Variants in MTFR1 observed in about 807,000 individuals in gnomAD.
The protein encoded by MTFR1 is mitochondrial fission regulator 1.
In MTFR1, 28 loss-of-function variants were observed where a neutral mutation model predicts 38.8. The ratio of observed to expected loss-of-function variants is 0.72; its 90% confidence interval spans 0.53 to 0.99. The LOEUF is 0.99. Among genes scored for constraint, MTFR1 ranks in the 50% least tolerant of loss-of-function variants. The probability of loss-of-function intolerance (pLI) is 0.00; values close to 1 mark genes in which losing one functional copy is unlikely to be tolerated. For missense variants in MTFR1, 358 were observed against 395.5 expected (o/e 0.91, Z 0.81); for synonymous variants, 145 against 137.0 (o/e 1.06, Z -0.41).
At chr8:65,672,537 G>A (rs1804593059) in intron 2 of MTFR1, among the ~76,000 whole-genome samples, 1 of 151,426 alleles carries the variant, frequency 6.6e-6, no homozygotes, top group African/African-American at 2.4e-5. Flanking sequence ...CTTTGAGACA[G>A]TCTCACTCTG....
At chr8:65,730,171 CTTTTTTTTTTTT>C (rs1179431555) in intron 3 of MTFR1, among the ~76,000 whole-genome samples, 74 of 86,454 alleles carry the variant, frequency 8.6e-4, no homozygotes, top group African/African-American at 3.2e-3. Context: ...TTGCGCACTT[CTTTTTTTTTTTT>C]TTTTTTTTTT....
At chr8:65,719,543 A>G (rs1585818021) in intron 3 of MTFR1, 6 of 1,224,028 alleles carry the variant, frequency 4.9e-6, no homozygotes, top group Non-Finnish European at 6.0e-6. Flanking sequence ...CTGAAACTCT[A>G]TCTTTAAAAC....
intron 2 of MTFR1, among the ~76,000 whole-genome samples, chr8:65,671,652 G>A (rs1804571754): frequency 6.6e-6 from 1 of 151,854 alleles, no homozygotes; most frequent in African/African-American, 2.4e-5. Flanking sequence ...CACAAGGAAG[G>A]GAAGTTTTTG....
intron 3 of MTFR1, chr8:65,723,330 G>A (rs1308652610): frequency 2.9e-6 from 1 of 340,032 alleles, no homozygotes; most frequent in East Asian, 5.8e-5. Context: ...TATTGCTGCT[G>A]CCTGTTCTGC....
intron 3 of MTFR1, among the ~76,000 whole-genome samples, chr8:65,732,360 C>G (rs948482114): frequency 6.6e-6 from 1 of 152,126 alleles, no homozygotes; most frequent in African/African-American, 2.4e-5. Context: ...GCCTCCCCCA[C>G]TAGGATGTAC....
At chr8:65,665,292 G>A (rs966774784) in intron 1 of MTFR1, among the ~76,000 whole-genome samples, 1 of 151,828 alleles carries the variant, frequency 6.6e-6, no homozygotes, top group Non-Finnish European at 1.5e-5. Flanking sequence ...CTGTTTTTTT[G>A]CCAGTTATTT....
At chr8:65,647,566 T>A (rs1215702796) in intron 1 of MTFR1, among the ~76,000 whole-genome samples, 2 of 152,218 alleles carry the variant, frequency 1.3e-5, no homozygotes, top group Non-Finnish European at 2.9e-5. Flanking sequence ...TGCCTCAGCC[T>A]CCTAAAGTGC....
chr8:65,650,944 C>T (rs1809105677), intron 1 of MTFR1, among the ~76,000 whole-genome samples: 1 of 152,186 alleles, frequency 6.6e-6, no homozygotes, highest in South Asian at 2.1e-4. Context: ...TCCCTTTTCT[C>T]CACATCCTTG....
At chr8:65,676,457 G>A (rs148975286) in intron 2 of MTFR1, among the ~76,000 whole-genome samples, 1,720 of 152,146 alleles carry the variant, frequency 0.011, 20 homozygotes, top group Middle Eastern at 0.051. Flanking sequence ...TCTGCCTCCC[G>A]GATTCAAGTG....
chr8:65,771,884 CAAAAAAAAAAA>C (rs36101490), downstream of MTFR1, among the ~76,000 whole-genome samples: 8 of 55,836 alleles, frequency 1.4e-4, no homozygotes, highest in Admixed American at 2.4e-4. Flanking sequence ...CTCCATCTCT[CAAAAAAAAAAA>C]AAAAAAAAAA....
At chr8:65,728,114 T>C (rs1563472386) in intron 3 of MTFR1, 1 of 152,184 alleles carries the variant, frequency 6.6e-6, no homozygotes, top group Non-Finnish European at 1.5e-5. Flanking sequence ...CCTGCCACAA[T>C]ACCACTCATC....
At chr8:65,688,646 A>G (rs1805174975) in intron 3 of MTFR1, among the ~76,000 whole-genome samples, 1 of 149,004 alleles carries the variant, frequency 6.7e-6, no homozygotes, top group East Asian at 2.2e-4. Context: ...GGGTTTCACC[A>G]TGTTAGCCAG....
chr8:65,768,009 TG>T (rs979794711), intron 3 of MTFR1, among the ~76,000 whole-genome samples: 1 of 152,040 alleles, frequency 6.6e-6, no homozygotes, highest in Admixed American at 6.5e-5. Context: ...CCTTAACCTG[TG>T]GGGTCTGACA....
chr8:65,765,358 G>A (rs956702610), intron 3 of MTFR1, among the ~76,000 whole-genome samples: 8 of 149,748 alleles, frequency 5.3e-5, no homozygotes, highest in Admixed American at 2.0e-4. Context: ...GCGTAGTGGC[G>A]GGCGCCTGTA....
In MTFR1 at chr8:65,709,557, G is replaced by C. The variant is rs3763513; in HGVS notation, c.*513G>C. The C allele has an allele frequency of 0.011, 1,654 of 152,930 alleles. 48 individuals carry two copies. The highest frequency in any genetic ancestry group is 0.085 in the East Asian group (444 of 5,200). The allele number at this position is 152,930 out of a possible 1,614,324, so 9.5% of individuals were successfully genotyped here. On this transcript the variant is annotated 3_prime_UTR_variant, in exon 8 of 8. Coordinates refer to ENST00000262146, the MANE Select transcript of MTFR1 (RefSeq NM_014637.4). ...TAAGTTGTTGGCATGAAATATTTGA[G>C]ATTGGAAACTTCTTGCCTTGAACAG... is the stretch of plus-strand genomic sequence containing the variant.
chr8:65,648,889 C>T (rs1295442631), intron 1 of MTFR1, among the ~76,000 whole-genome samples: 4 of 152,036 alleles, frequency 2.6e-5, no homozygotes, highest in Non-Finnish European at 5.9e-5. Context: ...GTGATGCTAT[C>T]ATAGCTCTAA....
chr8:65,662,412 C>T (rs2129049296), intron 1 of MTFR1, among the ~76,000 whole-genome samples: 1 of 151,372 alleles, frequency 6.6e-6, no homozygotes, highest in East Asian at 1.9e-4. Context: ...CAATGGTGCC[C>T]AGGCTGGAGT....
At chr8:65,762,727 A>G (rs571554227) in intron 3 of MTFR1, among the ~76,000 whole-genome samples, 105 of 152,324 alleles carry the variant, frequency 6.9e-4, no homozygotes, top group African/African-American at 2.3e-3. Flanking sequence ...TTTTTTTAAC[A>G]AAACCAGATT....
At chr8:65,673,335 T>TA (rs1804617634) in intron 2 of MTFR1, among the ~76,000 whole-genome samples, 1 of 146,140 alleles carries the variant, frequency 6.8e-6, no homozygotes, top group South Asian at 2.1e-4. Flanking sequence ...CCAAAACAAT[T>TA]AAAGTAGTAA....
Sources: gnomAD v4.1 joint callset for allele counts (sites outside exome capture counted in the v4.1 genomes callset) on GRCh38, gnomAD v4.1.1 for gene constraint, MANE v1.5 for transcripts, NCBI Gene and HGNC (gene_info 2026-07-23, HGNC 2026-07-21) for gene names.